Variants in NEK1 observed in about 807,000 individuals in gnomAD.
NEK1 encodes serine/threonine-protein kinase Nek1.
In NEK1, 137 loss-of-function variants were observed where a neutral mutation model predicts 182.1. The ratio of observed to expected loss-of-function variants is 0.75; its 90% CI spans 0.65 to 0.87. NEK1 has a LOEUF of 0.87. Among genes scored for constraint, NEK1 ranks in the 40% least tolerant of loss-of-function variants. NEK1 has a pLI of 0.00. For synonymous variants in NEK1, 513 were observed against 492.2 expected, an observed-to-expected ratio of 1.04 and a Z score of -0.56; for missense variants, 1,391 against 1,494.4, an observed-to-expected ratio of 0.93 and a Z score of 1.14.
chr4:169,508,248 CT>C lies in NEK1; in HGVS notation c.1832del (p.Lys611ArgfsTer18). 1.9e-6 allele frequency: 3 copies of C among 1,584,548 alleles called. No individual in the cohort carries two copies. Among genetic ancestry groups the C allele is most frequent in the South Asian group, 2.4e-5 (2 of 84,850 alleles). ...QQIKAKLRGE[K>X]KEANHSEGQE... Reference sequence around the variant, plus strand: ...TCAAAAAAATAGCTTTTCAACCTACCTTTTCACCACGAAGTTTGGCTTTAAT... The same window carrying C: ...TCAAAAAAATAGCTTTTCAACCTACCTTTCACCACGAAGTTTGGCTTTAAT... On this transcript the variant is annotated frameshift_variant and splice_region_variant, in exon 21 of 36. Coordinates refer to ENST00000507142, the MANE Select transcript of NEK1 (RefSeq NM_001199397.3). LOFTEE classifies it high-confidence loss of function.
intron 29 of NEK1, among the ~76,000 whole-genome samples, chr4:169,428,781 G>C (rs966736018): frequency 2.0e-5 from 3 of 152,058 alleles, no homozygotes; most frequent in Admixed American, 6.5e-5. Context: ...TCGAATTCCA[G>C]TTGCCTTTCC....
intron 27 of NEK1, among the ~76,000 whole-genome samples, chr4:169,460,190 G>T (rs1743697456): frequency 6.6e-6 from 1 of 152,022 alleles, no homozygotes; most frequent in Admixed American, 6.6e-5. Flanking sequence ...CCGTTTTCAT[G>T]CTGCTGATAA....
chr4:169,486,993 T>C (rs940010604), intron 23 of NEK1, among the ~76,000 whole-genome samples: 1 of 152,188 alleles, frequency 6.6e-6, no homozygotes, highest in African/African-American at 2.4e-5. Flanking sequence ...AACCTAACAC[T>C]ATATTACTTG....
chr4:169,525,043 A>T (rs548076787), intron 19 of NEK1, among the ~76,000 whole-genome samples: 1 of 152,296 alleles, frequency 6.6e-6, no homozygotes, highest in Admixed American at 6.5e-5. Context: ...ATTAGTGTTC[A>T]ATCTTCTGGG....
At chr4:169,575,937 AT>A (rs1432821960) in intron 12 of NEK1, among the ~76,000 whole-genome samples, 1 of 150,504 alleles carries the variant, frequency 6.6e-6, no homozygotes, top group Non-Finnish European at 1.5e-5. Flanking sequence ...ACAATCTCTC[AT>A]TTTATTATTA....
At chr4:169,605,944 A>G (rs889497527) in intron 2 of NEK1, among the ~76,000 whole-genome samples, 1 of 152,178 alleles carries the variant, frequency 6.6e-6, no homozygotes, top group Admixed American at 6.5e-5. Flanking sequence ...AGACAAGACT[A>G]GCTACATAAT....
chr4:169,538,011 T>C (rs1758782325), intron 18 of NEK1, 100 bp from the exon 19 acceptor site: 3 of 705,402 alleles, frequency 4.3e-6, no homozygotes, highest in East Asian at 2.6e-5. Flanking sequence ...TTTCAGAATA[T>C]GAAGGCTGAT....
intron 18 of NEK1, among the ~76,000 whole-genome samples, chr4:169,542,693 T>TCTAAC (rs200660867): frequency 0.29 from 43,686 of 151,640 alleles, 8,843 homozygotes; most frequent in African/African-American, 0.58. Context: ...TTATCACCAT[T>TCTAAC]TGGTGTGAGA....
At chr4:169,566,031 T>C (rs185589789) in intron 12 of NEK1, among the ~76,000 whole-genome samples, 1 of 152,352 alleles carries the variant, frequency 6.6e-6, no homozygotes, top group East Asian at 1.9e-4. Context: ...TCTTTGGACA[T>C]AGAGCCCTAC....
intron 18 of NEK1, among the ~76,000 whole-genome samples, chr4:169,538,858 A>T (rs371606574): frequency 6.6e-6 from 1 of 152,124 alleles, no homozygotes. Context: ...AGCACTTCTG[A>T]TTTTCATATA....
At chr4:169,577,149 A>T in intron 11 of NEK1, 70 bp from the exon 12 acceptor site, 1 of 1,391,836 alleles carries the variant, frequency 7.2e-7, no homozygotes, top group Non-Finnish European at 1.0e-6. Context: ...AGAATTCTTC[A>T]AGATAGCACT....
chr4:169,404,445 G>A (rs1732228849), intron 32 of NEK1, among the ~76,000 whole-genome samples: 1 of 152,120 alleles, frequency 6.6e-6, no homozygotes, highest in Non-Finnish European at 1.5e-5. Context: ...AAAATAAAAT[G>A]TGCCAGCGGC....
intron 26 of NEK1, among the ~76,000 whole-genome samples, chr4:169,470,118 C>T (rs1441596825): frequency 6.6e-6 from 1 of 152,012 alleles, no homozygotes; most frequent in Non-Finnish European, 1.5e-5. Context: ...GGGCATTTAG[C>T]CCATTTACAT....
At chr4:169,542,195 A>G (rs1759555555) in intron 18 of NEK1, among the ~76,000 whole-genome samples, 1 of 152,070 alleles carries the variant, frequency 6.6e-6, no homozygotes, top group African/African-American at 2.4e-5. Context: ...CCAGTGTGTG[A>G]TGTTCCCCTT....
rs1730269925 is a variant in NEK1 at position 169,393,725 on chromosome 4, G to A, written c.*785C>T. The A allele has an allele frequency of 6.6e-6, 1 of 152,092 alleles. No homozygotes were observed. Among genetic ancestry groups the A allele is most frequent in the African/African-American group, 2.4e-5 (1 of 41,416 alleles). 9.4% of individuals were successfully genotyped at this position (152,092 alleles called of 1,614,324 possible). On this transcript the variant is annotated 3_prime_UTR_variant, in exon 36 of 36. Coordinates refer to ENST00000507142, the MANE Select transcript of NEK1 (RefSeq NM_001199397.3). ...TTGTCCTTGAAGCTTATGTATGGAG[G>A]AAGTTAAAAACCAAAAGAGCAACTT...
chr4:169,403,820 T>C (rs901946327), intron 32 of NEK1, among the ~76,000 whole-genome samples: 1 of 152,148 alleles, frequency 6.6e-6, no homozygotes, highest in Non-Finnish European at 1.5e-5. Context: ...AATTTGGTCT[T>C]GAATTCAGTT....
chr4:169,581,025 T>C, intron 10 of NEK1, 123 bp from the exon 11 acceptor site: 1 of 154,562 alleles, frequency 6.5e-6, no homozygotes, highest in Non-Finnish European at 1.2e-5. Flanking sequence ...TAAACTGTAC[T>C]AAAACCAAGT....
At position 169,446,982 on chromosome 4, in the gene NEK1, C is replaced by T. The variant is rs551071940; in HGVS notation, c.2588-8723G>A. Among the ~76,000 whole-genome samples the T allele has an allele frequency of 4.1e-5, 6 of 147,164 alleles. No individual in the cohort carries two copies. The East Asian group carries it at 1.2e-3, about 29-fold the overall frequency. On this transcript the variant is annotated intron_variant, in intron 27 of 35. Coordinates refer to ENST00000507142, the MANE Select transcript of NEK1 (RefSeq NM_001199397.3). The stretch of plus-strand genomic sequence containing the variant: ...CAGAAGGGCAAATCTAAGAGTGATT[C>T]GTTGTAACGAGGAAGTAGAGAGACC...
intron 27 of NEK1, among the ~76,000 whole-genome samples, chr4:169,462,047 ATATT>A (rs1744066836): frequency 1.3e-5 from 2 of 152,280 alleles, no homozygotes; most frequent in South Asian, 4.1e-4. Flanking sequence ...CAAATTGCAT[ATATT>A]TAATTAATAA....
Sources: allele counts gnomAD v4.1 joint callset (sites outside exome capture counted in the v4.1 genomes callset), GRCh38; gene constraint gnomAD v4.1.1; transcripts MANE v1.5; gene names NCBI Gene and HGNC (gene_info 2026-07-23, HGNC 2026-07-21).